SEC23A: variants seen among roughly 807,000 people sequenced by gnomAD.
SEC23A encodes protein transport protein Sec23A.
SEC23A carries 56 observed loss-of-function variants against 103.7 expected under a neutral mutation model. The observed-to-expected ratio is 0.54, with a 90% CI of 0.44 to 0.67. The LOEUF is 0.67. Among genes scored for constraint, SEC23A ranks in the 30% least tolerant of loss-of-function variants. SEC23A has a pLI of 0.00. For synonymous variants in SEC23A, 281 were observed against 293.0 expected (o/e 0.96, Z 0.42); for missense variants, 784 against 936.4 (o/e 0.84, Z 2.12).
chr14:39,033,245 A>G lies in SEC23A; in HGVS notation c.2292T>C (p.Ala764=). 1 of 1,605,898 alleles carries G rather than the reference A, an allele frequency of 6.2e-7. No individual in the cohort carries two copies. The highest frequency in any genetic ancestry group is 2.2e-5 in the East Asian group (1 of 44,810). Residue 764 remains alanine, a synonymous_variant, in exon 20 of 20, where the codon GCT becomes GCC. Transcript: ENST00000307712. ...DHLKKLAVSS[A]A ...CTTTAACATTATTAGCACTTCAAGCAGCACTGGACACAGCAAGTTTCTTCA... is the reference window on the plus strand; with the variant it reads ...CTTTAACATTATTAGCACTTCAAGCGGCACTGGACACAGCAAGTTTCTTCA...
chr14:39,078,446 CA>C, intron 7 of SEC23A, among the ~76,000 whole-genome samples: 1 of 152,138 alleles, frequency 6.6e-6, no homozygotes, highest in Non-Finnish European at 1.5e-5. Context: ...TATTTGGAGT[CA>C]AAAAATACAA....
chr14:39,045,262 A>C lies in SEC23A; in HGVS notation c.1800T>G (p.Ser600Arg). ...LQVFNNSPDE[S>R]SYYRHHFMRQ... ...GCATAAAATGGTGACGATAATATGAACTCTCATCAGGACTATTGTTAAAAA... is the reference window on the plus strand; with the variant it reads ...GCATAAAATGGTGACGATAATATGACCTCTCATCAGGACTATTGTTAAAAA... Residue 600 changes from serine to arginine, a missense_variant, in exon 16 of 20, where the codon AGT becomes AGG. Coordinates refer to ENST00000307712, the MANE Select transcript of SEC23A (RefSeq NM_006364.4). 6.2e-7 allele frequency: 1 copy of C among 1,612,518 alleles called. No homozygotes were observed. The highest frequency in any genetic ancestry group is 8.5e-7 in the Non-Finnish European group (1 of 1,178,742).
Position 39,063,402 on chromosome 14 carries a change from T to C in SEC23A, c.1320A>G (p.Thr440=). ...ATATCTTCCACTGACATGTGCCACC[T>C]GTTCCTATCTCCTGTAAAAATAAAA... is the stretch of plus-strand genomic sequence containing the variant. The part of the protein sequence containing the change: ...GPCVSENEIG[T]GGTCQWKICG... Residue 440 remains threonine (T), a synonymous_variant, in exon 12 of 20, where the codon ACA becomes ACG. Coordinates refer to ENST00000307712, the MANE Select transcript of SEC23A (RefSeq NM_006364.4). The C allele has an allele frequency of 6.2e-7, 1 of 1,600,538 alleles. No homozygotes were observed. The highest frequency in any genetic ancestry group is 1.1e-5 in the South Asian group (1 of 90,680).
At chr14:39,089,165 CAAAAAAAA>C (rs58732430) in intron 5 of SEC23A, among the ~76,000 whole-genome samples, 1 of 69,358 alleles carries the variant, frequency 1.4e-5, no homozygotes, top group African/African-American at 5.1e-5. Flanking sequence ...GACTCCGTGT[CAAAAAAAA>C]AAAAAAAAAG....
chr14:39,098,537 A>G (rs931840579), intron 1 of SEC23A, among the ~76,000 whole-genome samples: 2 of 152,174 alleles, frequency 1.3e-5, no homozygotes, highest in African/African-American at 4.8e-5. Context: ...GCACTTTGGG[A>G]GGCTGAGGCC....
At chr14:39,057,582 G>A (rs1886292927) in intron 13 of SEC23A, among the ~76,000 whole-genome samples, 1 of 152,156 alleles carries the variant, frequency 6.6e-6, no homozygotes, top group South Asian at 2.1e-4. Context: ...GCCCAGGCTA[G>A]TCTCCAACTC....
intron 9 of SEC23A, among the ~76,000 whole-genome samples, chr14:39,069,774 T>C (rs914659467): frequency 6.6e-6 from 1 of 152,136 alleles, no homozygotes; most frequent in African/African-American, 2.4e-5. Flanking sequence ...AGGTACATTC[T>C]CAACTTTGTA....
intron 2 of SEC23A, 39 bp from the exon 3 acceptor site, chr14:39,093,283 T>G (rs1480915187): frequency 2.0e-6 from 3 of 1,511,236 alleles, no homozygotes; most frequent in African/African-American, 2.7e-5. Context: ...CAGTTCATAT[T>G]TCAGTTCAAT....
rs1400891927 is a variant in SEC23A at position 39,103,028 on chromosome 14, G to A, written c.-22+4C>T. 6.5e-6 allele frequency: 1 copy of A among 153,244 alleles called. No homozygotes were observed. Among genetic ancestry groups the A allele is most frequent in the Non-Finnish European group, 1.5e-5 (1 of 68,470 alleles). 9.5% of individuals were successfully genotyped at this position (153,244 alleles called of 1,614,324 possible). ...CCAGCCCGCCCCCGCTCCCCGCTGC[G>A]CACCTGCGGTCCCCCAGGAGCGGAG... On this transcript the variant is annotated splice_donor_region_variant and intron_variant, in intron 1 of 19. Transcript: ENST00000307712.
intron 13 of SEC23A, among the ~76,000 whole-genome samples, chr14:39,058,717 A>C (rs1447462369): frequency 6.6e-6 from 1 of 152,252 alleles, no homozygotes; most frequent in Non-Finnish European, 1.5e-5. Context: ...AGAAGCAAAA[A>C]AGACTGAGAA....
chr14:39,061,736 AAATC>A, intron 13 of SEC23A, 25 bp downstream of exon 13: 1 of 1,508,994 alleles, frequency 6.6e-7, no homozygotes, highest in East Asian at 2.3e-5. Flanking sequence ...TGTGATATGA[AAATC>A]AAATCTCTAA....
intron 12 of SEC23A, among the ~76,000 whole-genome samples, chr14:39,062,374 T>C (rs1168069051): frequency 6.6e-6 from 1 of 152,182 alleles, no homozygotes; most frequent in Non-Finnish European, 1.5e-5. Context: ...GAGTGTCATG[T>C]CAGCATTCAG....
At chr14:39,084,324 C>A (rs780252808) in intron 7 of SEC23A, among the ~76,000 whole-genome samples, 1 of 152,096 alleles carries the variant, frequency 6.6e-6, no homozygotes, top group African/African-American at 2.4e-5. Flanking sequence ...CCGCACCCAG[C>A]CACTATTTTG....
At chr14:39,092,762 G>T in intron 3 of SEC23A, 135 bp from the exon 4 acceptor site, 1 of 618,962 alleles carries the variant, frequency 1.6e-6, no homozygotes, top group South Asian at 2.2e-5. Context: ...ATAATTATTT[G>T]TATCTTTTTT....
intron 1 of SEC23A, among the ~76,000 whole-genome samples, chr14:39,099,402 C>T (rs1036445202): frequency 6.6e-6 from 1 of 152,040 alleles, no homozygotes; most frequent in Non-Finnish European, 1.5e-5. Flanking sequence ...TCGTGATCCG[C>T]CGGCCTCGGC....
At chr14:39,053,746 T>C (rs1044269636) in intron 14 of SEC23A, among the ~76,000 whole-genome samples, 1 of 152,102 alleles carries the variant, frequency 6.6e-6, no homozygotes, top group Non-Finnish European at 1.5e-5. Context: ...GCTTAGCAAA[T>C]AGAGTTCTCA....
At chr14:39,077,272 G>A (rs1357457621) in intron 7 of SEC23A, among the ~76,000 whole-genome samples, 10 of 144,292 alleles carry the variant, frequency 6.9e-5, no homozygotes, top group Admixed American at 3.5e-4. Context: ...GGCCCGGCAC[G>A]GTGACTCACA....
At chr14:39,083,507 G>A (rs190701889) in intron 7 of SEC23A, among the ~76,000 whole-genome samples, 3 of 151,016 alleles carry the variant, frequency 2.0e-5, no homozygotes, top group South Asian at 2.1e-4. Flanking sequence ...CACCTTGGAC[G>A]CATGTCATCA....
At chr14:39,096,382 T>C (rs1233792495) in intron 1 of SEC23A, among the ~76,000 whole-genome samples, 1 of 151,836 alleles carries the variant, frequency 6.6e-6, no homozygotes, top group Non-Finnish European at 1.5e-5. Context: ...AATACAAAAT[T>C]AGCCAGGCAT....
Sources: allele counts gnomAD v4.1 joint callset (sites outside exome capture counted in the v4.1 genomes callset), GRCh38; gene constraint gnomAD v4.1.1; transcripts MANE v1.5; gene names NCBI Gene and HGNC (gene_info 2026-07-23, HGNC 2026-07-21).